The following OTUD4 variants were observed in gnomAD, a reference collection of about 807,000 sequenced individuals.
OTUD4 encodes OTU deubiquitinase 4, also known as OTU domain-containing protein 4.
OTUD4 carries 24 observed loss-of-function variants against 130.4 expected under a neutral mutation model. The observed-to-expected ratio is 0.18, with a 90% CI of 0.13 to 0.26. The LOEUF (loss-of-function observed/expected upper bound fraction) is 0.26, where lower values mean the gene tolerates loss of function less well. Among genes scored for constraint, OTUD4 ranks in the 10% least tolerant of loss-of-function variants. The pLI, the probability that OTUD4 is intolerant of heterozygous loss-of-function variation, is 1.00. For synonymous variants in OTUD4, 420 were observed against 472.5 expected (o/e 0.89, Z 1.44); for missense variants, 1,031 against 1,329.4 (o/e 0.78, Z 3.49).
At chr4:145,179,234 T>G (rs1752573594) in intron 1 of OTUD4, among the ~76,000 whole-genome samples, 1 of 152,092 alleles carries the variant, frequency 6.6e-6, no homozygotes, top group African/African-American at 2.4e-5. Flanking sequence ...TAATAAAGGG[T>G]GGAACCTACT....
intron 1 of OTUD4, among the ~76,000 whole-genome samples, chr4:145,175,712 T>C (rs925038122): frequency 2.0e-5 from 3 of 150,720 alleles, no homozygotes; most frequent in Non-Finnish European, 4.4e-5. Context: ...GCTTGGCTAA[T>C]TTTTGTATTT....
At chr4:145,159,458 T>C in intron 7 of OTUD4, 45 bp downstream of exon 7, 1 of 1,610,378 alleles carries the variant, frequency 6.2e-7, no homozygotes, top group Non-Finnish European at 8.5e-7. Flanking sequence ...TACTTAACTT[T>C]CCTTGTATGG....
chr4:145,138,207 A>C lies in OTUD4; in HGVS notation c.2568T>G (p.Pro856=). 2 of 1,614,022 alleles carry C rather than the reference A, an allele frequency of 1.2e-6. No homozygotes were observed. Among genetic ancestry groups the C allele is most frequent in the Non-Finnish European group, 8.5e-7 (1 of 1,179,870 alleles). The change falls in exon 21 of 21, where the codon CCT becomes CCG. Residue 856 remains proline (P), a synonymous_variant. Transcript: ENST00000447906. The part of the protein sequence containing the change: ...PFLGPVPIAP[P]FFPHVWYGYP... ...ACCCATACCAAACATGAGGAAAGAA[A>C]GGAGGTGCAATAGGAACTGGGCCTA... is the stretch of plus-strand genomic sequence containing the variant.
chr4:145,134,205 T>C lies in OTUD4; in HGVS notation c.*3225A>G, dbSNP rs34475435. On this transcript the variant is annotated 3_prime_UTR_variant, in exon 21 of 21. Transcript: ENST00000447906. ...ACCTTAGTTATCTGAAAATAACATATTGGAAATGAGACATTATTAGGATTT... is the reference window on the plus strand; with the variant it reads ...ACCTTAGTTATCTGAAAATAACATACTGGAAATGAGACATTATTAGGATTT... 1,568 of 152,824 alleles carry C rather than the reference T, an allele frequency of 0.01. 9 individuals carry two copies. Among genetic ancestry groups the C allele is most frequent in the Non-Finnish European group, 0.017 (1,131 of 68,104 alleles). 9.5% of individuals were successfully genotyped at this position (152,824 alleles called of 1,614,324 possible).
At chr4:145,142,628 C>G (rs1750617270) in intron 17 of OTUD4, among the ~76,000 whole-genome samples, 1 of 152,250 alleles carries the variant, frequency 6.6e-6, no homozygotes, top group Non-Finnish European at 1.5e-5. Flanking sequence ...CTCAAGCGAT[C>G]TGCCCGCCTT....
At chr4:145,167,146 G>A (rs530264804) in intron 3 of OTUD4, among the ~76,000 whole-genome samples, 5 of 152,020 alleles carry the variant, frequency 3.3e-5, no homozygotes, top group East Asian at 1.9e-4. Flanking sequence ...AACTTTTACC[G>A]TAAGAATATT....
intron 13 of OTUD4, among the ~76,000 whole-genome samples, chr4:145,146,980 C>G (rs1750855493): frequency 6.6e-6 from 1 of 152,066 alleles, no homozygotes; most frequent in African/African-American, 2.4e-5. Flanking sequence ...AGGCTGGATA[C>G]CAATTGCATA....
chr4:145,148,584 G>A (rs1750926530), intron 13 of OTUD4, among the ~76,000 whole-genome samples: 1 of 151,852 alleles, frequency 6.6e-6, no homozygotes, highest in Admixed American at 6.6e-5. Context: ...GGCGATCAGA[G>A]TCAACACCAG....
chr4:145,162,496 G>A (rs1031605908), intron 6 of OTUD4, 144 bp downstream of exon 6: 3 of 450,684 alleles, frequency 6.7e-6, no homozygotes, highest in Middle Eastern at 4.5e-4. Flanking sequence ...AGCTTGCAGT[G>A]AGCGGAGATC....
chr4:145,159,540 T>A lies in OTUD4; in HGVS notation c.592A>T (p.Asn198Tyr), dbSNP rs775886147. The change falls in exon 7 of 21, where the codon AAC becomes TAC. Residue 198 changes from asparagine to tyrosine, a missense_variant. By Grantham distance (143) the Asn-to-Tyr change is moderately radical (BLOSUM62 -2). Coordinates refer to ENST00000447906, the MANE Select transcript of OTUD4 (RefSeq NM_001366057.1). Reference sequence around the variant, plus strand: ...TCCTCTGAATCTGATATTTCACTGTTATCTTCATCAGCTACTTCCAACGTG... The same window carrying A: ...TCCTCTGAATCTGATATTTCACTGTAATCTTCATCAGCTACTTCCAACGTG... ...LDTLEVADED[N>Y]SEISDSEDDS... is the part of the protein sequence containing the mutation. 1 of 1,613,666 alleles carries A rather than the reference T, an allele frequency of 6.2e-7. No homozygotes were observed.
rs1579238174 is a variant in OTUD4 at position 145,138,295 on chromosome 4, T to A, written c.2480A>T (p.Tyr827Phe). The A allele has an allele frequency of 1.9e-6, 3 of 1,614,070 alleles. No homozygotes were observed. The highest frequency in any genetic ancestry group is 1.7e-5 in the Admixed American group (1 of 60,014). ...ETPGQLLHAD[Y>F]EESLSGKNMF... Reference sequence around the variant, plus strand: ...ATTCTTGCCACTTAGTGACTCTTCATAATCAGCATGCAGAAGCTGCCCAGG... The same window carrying A: ...ATTCTTGCCACTTAGTGACTCTTCAAAATCAGCATGCAGAAGCTGCCCAGG... Residue 827 changes from tyrosine (Y) to phenylalanine (F), a missense_variant, in exon 21 of 21, where the codon TAT becomes TTT. Physicochemically the swap from Tyr to Phe is conservative, Grantham distance 22. Coordinates refer to ENST00000447906, the MANE Select transcript of OTUD4 (RefSeq NM_001366057.1).
chr4:145,153,459 C>A (rs536742033), intron 10 of OTUD4, among the ~76,000 whole-genome samples: 3 of 152,176 alleles, frequency 2.0e-5, no homozygotes, highest in Non-Finnish European at 4.4e-5. Context: ...TGAGGGTGCA[C>A]AGGATACACA....
rs952448907 is a variant in OTUD4 at position 145,136,587 on chromosome 4, T to C, written c.*843A>G. The C allele has an allele frequency of 2.0e-5, 3 of 147,308 alleles. No individual in the cohort carries two copies. Among genetic ancestry groups the C allele is most frequent in the African/African-American group, 7.5e-5 (3 of 39,914 alleles). 9.1% of individuals were successfully genotyped at this position (147,308 alleles called of 1,614,324 possible). A position where few individuals can be genotyped will look rare whatever the true frequency, so the allele number is the denominator to read the frequency against. On this transcript the variant is annotated 3_prime_UTR_variant, in exon 21 of 21. Coordinates refer to ENST00000447906, the MANE Select transcript of OTUD4 (RefSeq NM_001366057.1). ...AGTGTTAAAGTGGCATTAAAAAAAC[T>C]TCTGCAGTTCTAACTGATGCAGATT...
chr4:145,173,387 C>G (rs991483158), intron 2 of OTUD4, among the ~76,000 whole-genome samples: 2 of 151,568 alleles, frequency 1.3e-5, no homozygotes, highest in African/African-American at 4.9e-5. Flanking sequence ...GAGCGAGACT[C>G]TGTCTCAAAA....
intron 3 of OTUD4, among the ~76,000 whole-genome samples, chr4:145,168,332 A>G (rs1028240605): frequency 6.6e-5 from 10 of 151,306 alleles, no homozygotes; most frequent in Non-Finnish European, 1.5e-4. Context: ...GTGAGCTGAG[A>G]TCATGCCACT....
intron 2 of OTUD4, 117 bp downstream of exon 2, chr4:145,174,544 T>C: frequency 3.2e-6 from 2 of 627,452 alleles, no homozygotes; most frequent in Non-Finnish European, 5.9e-6. Flanking sequence ...TTTTAATAAG[T>C]GTTATTTTCA....
At chr4:145,141,323 T>C (rs1750552690) in intron 19 of OTUD4, 56 bp downstream of exon 19, 1 of 1,479,494 alleles carries the variant, frequency 6.8e-7, no homozygotes. Context: ...CTTCATTTCT[T>C]AACTAAGCTT....
chr4:145,169,166 G>C (rs1344144852), intron 3 of OTUD4, among the ~76,000 whole-genome samples: 1 of 152,176 alleles, frequency 6.6e-6, no homozygotes, highest in South Asian at 2.1e-4. Flanking sequence ...AAGGCAAAAG[G>C]AAACTTTCTG....
chr4:145,174,714 C>T lies in OTUD4; in HGVS notation c.190G>A (p.Val64Ile), dbSNP rs1221907712. Residue 64 changes from valine (V) to isoleucine (I), a missense_variant, in exon 2 of 21, where the codon GTC (valine) becomes ATC (isoleucine). Val to Ile is a conservative substitution (Grantham distance 29). This residue lies in a region of OTUD4 where 77 missense variants were observed against 172.9 expected (regional missense o/e 0.45). Transcript: ENST00000447906. ...VLHSQSRHVE[V>I]RMACIHYLRE... ...AGATAGTGAATACAGGCCATTCTGA[C>T]TTCAACATGGCGAGACTGAGAGTGC... is the stretch of plus-strand genomic sequence containing the variant. The T allele has an allele frequency of 3.7e-6, 6 of 1,609,640 alleles. No individual in the cohort carries two copies. The highest frequency in any genetic ancestry group is 5.1e-6 in the Non-Finnish European group (6 of 1,176,086).
Sources: gnomAD v4.1 joint callset for allele counts (sites outside exome capture counted in the v4.1 genomes callset) on GRCh38, gnomAD v4.1.1 for gene constraint, gnomAD v4.1.1 regional missense constraint, MANE v1.5 for transcripts, NCBI Gene and HGNC (gene_info 2026-07-23, HGNC 2026-07-21) for gene names.